Variants in TNFRSF8 observed in about 807,000 individuals in gnomAD.
The protein encoded by TNFRSF8 is tumor necrosis factor receptor superfamily member 8.
Under a neutral mutation model 70.8 loss-of-function variants are expected in TNFRSF8, and 26 were observed. The observed-to-expected ratio is 0.37, with a 90% CI of 0.27 to 0.51. The LOEUF (loss-of-function observed/expected upper bound fraction) is 0.51, where lower values mean the gene tolerates loss of function less well. TNFRSF8 is among the 20% of genes least tolerant of loss of function. TNFRSF8 has a pLI of 0.94. For synonymous variants in TNFRSF8, 356 were observed against 339.2 expected (o/e 1.05, Z -0.54); for missense variants, 720 against 807.9 (o/e 0.89, Z 1.32).
intron 3 of TNFRSF8, among the ~76,000 whole-genome samples, chr1:12,098,714 A>G (rs988645812): frequency 1.3e-5 from 2 of 152,132 alleles, no homozygotes; most frequent in Admixed American, 6.5e-5. Flanking sequence ...AAAGGAGGTT[A>G]TGAAAATCAG....
intron 14 of TNFRSF8, among the ~76,000 whole-genome samples, chr1:12,139,144 A>T (rs995100947): frequency 2.0e-5 from 3 of 152,132 alleles, no homozygotes; most frequent in Non-Finnish European, 4.4e-5. Context: ...CCCAAAATGT[A>T]TACCTGACCC....
chr1:12,105,537 TC>T (rs1641505003), intron 4 of TNFRSF8, among the ~76,000 whole-genome samples: 1 of 141,234 alleles, frequency 7.1e-6, no homozygotes, highest in Non-Finnish European at 1.5e-5. Flanking sequence ...CCTCTCTCTC[TC>T]TCTCTCTCTC....
chr1:12,063,552 C>T lies in TNFRSF8; in HGVS notation c.-47C>T. On this transcript the variant is annotated 5_prime_UTR_variant, in exon 1 of 15. Transcript: ENST00000263932. This position sits in a 1 kb window ranked among gnomAD's most constrained non-coding sequence, Gnocchi z 7.2. ...TGGGCGCCGCGCGCTTCCCCCGCTT[C>T]CCAGGTGGGCGCCGGCCGCCAGGCC... The T allele has an allele frequency of 2.3e-6, 3 of 1,298,882 alleles. No homozygotes were observed. Among genetic ancestry groups the T allele is most frequent in the African/African-American group, 3.1e-5 (2 of 64,898 alleles). The allele number at this position is 1,298,882 out of a possible 1,614,324, so 80.5% of individuals were successfully genotyped here.
At chr1:12,079,033 G>A (rs1641016634) in intron 1 of TNFRSF8, among the ~76,000 whole-genome samples, 1 of 152,138 alleles carries the variant, frequency 6.6e-6, no homozygotes, top group South Asian at 2.1e-4. Flanking sequence ...GACAGGGAGG[G>A]GAGGGGTGCT....
At chr1:12,125,791 G>A (rs970987978) in intron 10 of TNFRSF8, 160 bp from the exon 11 acceptor site, 2 of 692,186 alleles carry the variant, frequency 2.9e-6, no homozygotes, top group Non-Finnish European at 5.3e-6. Context: ...AGCCAGGCGA[G>A]GGAGGGCTGG....
intron 1 of TNFRSF8, among the ~76,000 whole-genome samples, chr1:12,071,125 GAAC>G (rs1297787789): frequency 6.6e-6 from 1 of 152,170 alleles, no homozygotes; most frequent in Non-Finnish European, 1.5e-5. Flanking sequence ...TGGTGGCTTA[GAAC>G]AACATGAAGG....
In TNFRSF8 at chr1:12,110,437, C is replaced by T. The variant is rs11121865; in HGVS notation, c.676+233C>T. ...GAGGGCCTGCCTTGTGCCGGACACC[C>T]GTGCCCCATCTCTCCCTCTATTTCC... On this transcript the variant is annotated intron_variant, in intron 6 of 14. Transcript: ENST00000263932. This position sits in a 1 kb window ranked among gnomAD's most constrained non-coding sequence, Gnocchi z 4.0. Among the ~76,000 whole-genome samples the T allele has an allele frequency of 1.6e-4, 24 of 152,160 alleles. No individual in the cohort carries two copies. In the East Asian group the frequency reaches 1.7e-3, roughly 11 times the overall value.
In TNFRSF8 at chr1:12,112,222, ACTC is replaced by A. The variant is rs1641646255; in HGVS notation, c.793+209_793+211del. Among the ~76,000 whole-genome samples, 1 of 151,562 alleles carries A rather than the reference ACTC, an allele frequency of 6.6e-6. No homozygotes were observed. The highest frequency in any genetic ancestry group is 2.4e-5 in the African/African-American group (1 of 41,248). ...ACTCGGCTCATCAATGTTTGTAACT[ACTC>A]TGTGATTCAAGCATTGTGATCATTC... On this transcript the variant is annotated intron_variant, in intron 7 of 14. Coordinates refer to ENST00000263932, the MANE Select transcript of TNFRSF8 (RefSeq NM_001243.5). The surrounding 1 kb of genome is among the most constrained non-coding windows in gnomAD (Gnocchi z 5.3).
chr1:12,138,869 G>C lies in TNFRSF8; in HGVS notation c.1543+433G>C, dbSNP rs780943521. 5.6e-5 allele frequency among the ~76,000 whole-genome samples: 8 copies of C among 143,580 alleles called. No individual in the cohort carries two copies. Among genetic ancestry groups the C allele is most frequent in the Non-Finnish European group, 1.2e-4 (8 of 67,762 alleles). The allele number at this position is 143,580 out of a possible 152,430, so 94.2% of individuals were successfully genotyped here. On this transcript the variant is annotated intron_variant, in intron 14 of 14. Transcript: ENST00000263932. This position sits in a 1 kb window ranked among gnomAD's most constrained non-coding sequence, Gnocchi z 5.7. ...TCCCCATTTTACAGTTGGGGAGACC[G>C]TGGCTCAGAGGGTGAAGTGATTTTC...
chr1:12,126,853 G>A (rs573573187), intron 12 of TNFRSF8, among the ~76,000 whole-genome samples: 5 of 152,356 alleles, frequency 3.3e-5, no homozygotes, highest in African/African-American at 1.2e-4. Flanking sequence ...GCTGTTAAGC[G>A]CATCGTGGAG....
chr1:12,106,633 G>A (rs564534518), intron 4 of TNFRSF8, among the ~76,000 whole-genome samples: 3 of 152,206 alleles, frequency 2.0e-5, no homozygotes, highest in East Asian at 1.9e-4. Context: ...AGGGAGCTCC[G>A]AGCTGGTGGG....
intron 8 of TNFRSF8, among the ~76,000 whole-genome samples, chr1:12,117,012 AATGGC>A (rs774241287): frequency 5.9e-5 from 9 of 152,168 alleles, no homozygotes; most frequent in Non-Finnish European, 1.2e-4. Flanking sequence ...AATGTATTAC[AATGGC>A]ATGGCATGGC....
Position 12,110,035 on chromosome 1 carries a change from C to G in TNFRSF8, c.513-6C>G. ...TTATCAGTCCCATCTCTGGCTTCTT[C>G]CCCAGTGGCACCATCCCCCAGGCCA... On this transcript the variant is annotated splice_region_variant and splice_polypyrimidine_tract_variant and intron_variant, in intron 5 of 14. Transcript: ENST00000263932. This position sits in a 1 kb window ranked among gnomAD's most constrained non-coding sequence, Gnocchi z 4.0. 6.2e-7 allele frequency: 1 copy of G among 1,612,120 alleles called. No homozygotes were observed. The highest frequency in any genetic ancestry group is 1.1e-5 in the South Asian group (1 of 90,784).
chr1:12,134,107 A>G (rs1642102847), intron 12 of TNFRSF8, among the ~76,000 whole-genome samples: 1 of 152,130 alleles, frequency 6.6e-6, no homozygotes, highest in African/African-American at 2.4e-5. Flanking sequence ...GCGTGTTCAA[A>G]TGGTCAGTCT....
chr1:12,104,255 G>A (rs1412289545), intron 3 of TNFRSF8, 124 bp from the exon 4 acceptor site: 2 of 983,918 alleles, frequency 2.0e-6, no homozygotes, highest in African/African-American at 1.6e-5. Flanking sequence ...GTCACCAGGG[G>A]GTTGAGCTGG....
intron 1 of TNFRSF8, among the ~76,000 whole-genome samples, chr1:12,075,438 G>T (rs1246004496): frequency 6.6e-6 from 1 of 151,996 alleles, no homozygotes. Flanking sequence ...TTGATGAAAC[G>T]CTGTTTGGGA....
At chr1:12,067,589 T>C (rs1363695627) in intron 1 of TNFRSF8, among the ~76,000 whole-genome samples, 1 of 151,732 alleles carries the variant, frequency 6.6e-6, no homozygotes, top group African/African-American at 2.4e-5. Context: ...CTCAGGAGGC[T>C]GAGGCAGGAG....
rs998042220 is a variant in TNFRSF8 at position 12,138,417 on chromosome 1, G to A, written c.1524G>A (p.Glu508=). 1.9e-6 allele frequency: 3 copies of A among 1,613,112 alleles called. No homozygotes were observed. The highest frequency in any genetic ancestry group is 2.5e-6 in the Non-Finnish European group (3 of 1,179,494). The part of the protein sequence containing the change: ...RDLPEPRVST[E]HTNNKIEKIY... ...TTCCTGAGCCCCGGGTGTCCACGGA[G>A]CACACCAATAACAAGATTGGTGAGT... The change falls in exon 14 of 15, where the codon GAG becomes GAA. Residue 508 remains glutamate, a synonymous_variant. Coordinates refer to ENST00000263932, the MANE Select transcript of TNFRSF8 (RefSeq NM_001243.5). The surrounding 1 kb of genome is among the most constrained non-coding windows in gnomAD (Gnocchi z 5.7).
intron 3 of TNFRSF8, among the ~76,000 whole-genome samples, chr1:12,102,866 C>T (rs999877131): frequency 1.3e-5 from 2 of 150,838 alleles, no homozygotes; most frequent in African/African-American, 4.9e-5. Flanking sequence ...CTGTGATTTC[C>T]TGCTTTTCCT....
Sources: gnomAD v4.1 joint callset for allele counts (sites outside exome capture counted in the v4.1 genomes callset) on GRCh38, gnomAD v4.1.1 for gene constraint, Gnocchi (gnomAD v3.1) non-coding constraint, MANE v1.5 for transcripts, NCBI Gene and HGNC (gene_info 2026-07-23, HGNC 2026-07-21) for gene names.